The following SNX4 variants were observed in gnomAD, a reference collection of about 807,000 sequenced individuals.
SNX4 encodes sorting nexin-4.
In SNX4, 49 loss-of-function variants were observed where a neutral mutation model predicts 70.8. The observed-to-expected ratio is 0.69, with a 90% CI of 0.55 to 0.88. The LOEUF (loss-of-function observed/expected upper bound fraction) is 0.88, where lower values mean the gene tolerates loss of function less well. Among genes scored for constraint, SNX4 ranks in the 40% least tolerant of loss-of-function variants. SNX4 has a pLI of 0.00. For synonymous variants in SNX4, 206 were observed against 183.8 expected, an observed-to-expected ratio of 1.12 and a Z score of -0.98; for missense variants, 528 against 544.8, an observed-to-expected ratio of 0.97 and a Z score of 0.31.
At chr3:125,508,468 G>A (rs535788463) in intron 1 of SNX4, among the ~76,000 whole-genome samples, 1 of 151,914 alleles carries the variant, frequency 6.6e-6, no homozygotes, top group Non-Finnish European at 1.5e-5. Context: ...TCAGGAGGCT[G>A]AGGCAGAAGA....
At position 125,480,287 on chromosome 3, in the gene SNX4, T is replaced by G; in HGVS notation, c.686A>C (p.Glu229Ala). 3.8e-6 allele frequency: 6 copies of G among 1,576,144 alleles called. No homozygotes were observed. Among genetic ancestry groups the G allele is most frequent in the Non-Finnish European group, 5.2e-6 (6 of 1,159,080 alleles). ...AAGATGTGAGATGACAGACTGCAGTTCATCACTATAGTGCTTAAGGTCAGT... is the reference window on the plus strand; with the variant it reads ...AAGATGTGAGATGACAGACTGCAGTGCATCACTATAGTGCTTAAGGTCAGT... ...RFTDLKHYSD[E>A]LQSVISHLLR... Residue 229 changes from glutamate to alanine, a missense_variant, in exon 7 of 14, where the codon GAA becomes GCA. Physicochemically the swap from Glu to Ala is moderately radical, Grantham distance 107. This residue lies in a region of SNX4 where 341 missense variants were observed against 312.2 expected (regional missense o/e 1.09). Transcript: ENST00000251775.
At chr3:125,449,621 C>T (rs994865102) in intron 13 of SNX4, among the ~76,000 whole-genome samples, 1 of 152,112 alleles carries the variant, frequency 6.6e-6, no homozygotes, top group African/African-American at 2.4e-5. Context: ...TGAACATAAA[C>T]TCTTATTAAA....
intron 10 of SNX4, among the ~76,000 whole-genome samples, chr3:125,460,241 G>A (rs1933843059): frequency 6.8e-6 from 1 of 146,152 alleles, no homozygotes; most frequent in Non-Finnish European, 1.5e-5. Context: ...CTGACCAAAA[G>A]CCACCTATTC....
Position 125,453,797 on chromosome 3 carries a change from G to A in SNX4, c.1190+13C>T, listed in dbSNP as rs201507910. On this transcript the variant is annotated intron_variant, in intron 12 of 13. Coordinates refer to ENST00000251775, the MANE Select transcript of SNX4 (RefSeq NM_003794.4). ...TACAAGCCTAGCTTACTTAAACATC[G>A]CAGCATCTTTACCTGCCTTCCAGAT... 56 of 1,612,220 alleles carry A rather than the reference G, an allele frequency of 3.5e-5. No homozygotes were observed. The East Asian group carries it at 3.8e-4, about 11-fold the overall frequency.
intron 2 of SNX4, among the ~76,000 whole-genome samples, chr3:125,503,793 T>C (rs1934982227): frequency 6.6e-6 from 1 of 152,112 alleles, no homozygotes; most frequent in East Asian, 1.9e-4. Context: ...TATTCCAGAT[T>C]CCAAAAGTAT....
intron 9 of SNX4, among the ~76,000 whole-genome samples, chr3:125,468,506 G>A (rs1461324956): frequency 6.6e-6 from 1 of 151,834 alleles, no homozygotes; most frequent in East Asian, 1.9e-4. Flanking sequence ...TTTGAGACCA[G>A]CCTGGGAAAC....
chr3:125,454,045 A>G (rs1933648145), intron 11 of SNX4, 90 bp from the exon 12 acceptor site: 7 of 1,016,808 alleles, frequency 6.9e-6, no homozygotes. Context: ...TTTAAAAGGA[A>G]TCAAATCTGA....
At chr3:125,490,222 T>C (rs1168271918) in intron 5 of SNX4, among the ~76,000 whole-genome samples, 1 of 151,932 alleles carries the variant, frequency 6.6e-6, no homozygotes, top group African/African-American at 2.4e-5. Flanking sequence ...ATCTATATTT[T>C]AGAAGAAAGA....
At chr3:125,468,644 A>G (rs943839730) in intron 9 of SNX4, among the ~76,000 whole-genome samples, 1 of 152,148 alleles carries the variant, frequency 6.6e-6, no homozygotes, top group Non-Finnish European at 1.5e-5. Context: ...CCAGGAGTCC[A>G]AGATCGACCT....
chr3:125,511,307 ATC>A, intron 1 of SNX4, among the ~76,000 whole-genome samples: 1 of 151,810 alleles, frequency 6.6e-6, no homozygotes, highest in South Asian at 2.1e-4. Flanking sequence ...CCAAAATCGA[ATC>A]TCTCTCTCAA....
chr3:125,520,017 G>A lies in SNX4; in HGVS notation c.141+15C>T. ...CCACACAGGCCATGAGGGCTCTGCC[G>A]CCCCTTCTCCTCACCGTGTCGACCC... On this transcript the variant is annotated intron_variant, in intron 1 of 13. Transcript: ENST00000251775. The A allele has an allele frequency of 1.4e-6, 2 of 1,429,648 alleles. No individual in the cohort carries two copies. Among genetic ancestry groups the A allele is most frequent in the South Asian group, 1.2e-5 (1 of 82,700 alleles). The allele number at this position is 1,429,648 out of a possible 1,614,324, so 88.6% of individuals were successfully genotyped here. A position where few individuals can be genotyped will look rare whatever the true frequency, so the allele number is the denominator to read the frequency against.
chr3:125,493,290 A>T (rs1322577017), intron 5 of SNX4, among the ~76,000 whole-genome samples: 1 of 152,110 alleles, frequency 6.6e-6, no homozygotes, highest in Admixed American at 6.6e-5. Context: ...AAAAGGAGAA[A>T]TGTCAATAAC....
intron 1 of SNX4, among the ~76,000 whole-genome samples, chr3:125,508,424 G>A (rs1415042464): frequency 2.0e-5 from 3 of 151,530 alleles, no homozygotes; most frequent in South Asian, 2.1e-4. Context: ...AAAATTAGCC[G>A]GGCGTGGTGG....
chr3:125,475,133 TAA>T (rs1033899241), intron 8 of SNX4, among the ~76,000 whole-genome samples: 8 of 152,190 alleles, frequency 5.3e-5, no homozygotes, highest in African/African-American at 1.7e-4. Flanking sequence ...TTCTTTTAAT[TAA>T]AAAAGTCATA....
intron 2 of SNX4, among the ~76,000 whole-genome samples, chr3:125,498,773 A>C (rs189710422): frequency 5.9e-5 from 9 of 152,338 alleles, no homozygotes; most frequent in African/African-American, 1.9e-4. Context: ...AAGCCTGTTT[A>C]AACATAAGAG....
intron 6 of SNX4, among the ~76,000 whole-genome samples, chr3:125,480,965 A>G (rs1934397293): frequency 6.6e-6 from 1 of 152,102 alleles, no homozygotes; most frequent in South Asian, 2.1e-4. Flanking sequence ...TATCTCTATA[A>G]ACTTCTTCTC....
chr3:125,493,874 T>C (rs1033917208), intron 5 of SNX4, among the ~76,000 whole-genome samples: 3 of 149,180 alleles, frequency 2.0e-5, no homozygotes, highest in Admixed American at 6.7e-5. Context: ...TACTAAAAAA[T>C]ACAAAACAAA....
At chr3:125,449,968 G>C (rs546395118) in intron 13 of SNX4, among the ~76,000 whole-genome samples, 1 of 152,280 alleles carries the variant, frequency 6.6e-6, no homozygotes, top group East Asian at 1.9e-4. Flanking sequence ...TGTACTACTG[G>C]GTGTGGTGGC....
intron 6 of SNX4, among the ~76,000 whole-genome samples, chr3:125,482,740 T>C (rs138695645): frequency 6.7e-4 from 102 of 152,198 alleles, no homozygotes; most frequent in African/African-American, 2.2e-3. Context: ...CTGTGGTTCA[T>C]TGAAATAAAG....
Sources: gnomAD v4.1 joint callset for allele counts (sites outside exome capture counted in the v4.1 genomes callset) on GRCh38, gnomAD v4.1.1 for gene constraint, gnomAD v4.1.1 regional missense constraint, MANE v1.5 for transcripts, NCBI Gene and HGNC (gene_info 2026-07-23, HGNC 2026-07-21) for gene names.